The following GNG4 variants were observed in gnomAD, a reference collection of about 807,000 sequenced individuals.
The protein encoded by GNG4 is G protein subunit gamma 4.
In GNG4, 4 loss-of-function variants were observed where a neutral mutation model predicts 5.8. The ratio of observed to expected loss-of-function variants is 0.69; its 90% CI spans 0.34 to 1.57. GNG4 has a LOEUF of 1.57. Ranked by LOEUF, GNG4 falls within the 40% of genes most tolerant of loss-of-function variation. The pLI is 0.06. For synonymous variants in GNG4, 29 were observed against 32.9 expected (o/e 0.88, Z 0.41); for missense variants, 96 against 95.1 (o/e 1.01, Z -0.04).
At chr1:235,597,172 A>G (rs371118784) in intron 1 of GNG4, among the ~76,000 whole-genome samples, 8 of 152,368 alleles carry the variant, frequency 5.3e-5, no homozygotes, top group African/African-American at 1.7e-4. Context: ...TCATTCCCCA[A>G]GGGTTTTCCG....
intron 3 of GNG4, among the ~76,000 whole-genome samples, chr1:235,582,956 C>T (rs531806092): frequency 5.9e-5 from 9 of 152,248 alleles, no homozygotes; most frequent in African/African-American, 1.9e-4. Context: ...AGGCTCTGTC[C>T]ATAGAAGGCT....
At chr1:235,581,895 G>A (rs1292354493) in intron 3 of GNG4, among the ~76,000 whole-genome samples, 1 of 152,216 alleles carries the variant, frequency 6.6e-6, no homozygotes, top group Non-Finnish European at 1.5e-5. Context: ...TCCTGGGGCG[G>A]TGTCTGTGGC....
intron 3 of GNG4, among the ~76,000 whole-genome samples, chr1:235,571,878 T>A (rs1687352331): frequency 6.6e-6 from 1 of 152,124 alleles, no homozygotes; most frequent in Admixed American, 6.5e-5. Context: ...CACTCTCTCA[T>A]CCAGGCTGGA....
In GNG4 at chr1:235,583,633, T is replaced by C. The variant is rs1687695983; in HGVS notation, c.99+107A>G. 4 of 684,600 alleles carry C rather than the reference T, an allele frequency of 5.8e-6. No homozygotes were observed. In the East Asian group the frequency reaches 7.8e-5, roughly 13 times the overall value. 42.4% of individuals were successfully genotyped at this position (684,600 alleles called of 1,614,324 possible). A position where few individuals can be genotyped will look rare whatever the true frequency, so the allele number is the denominator to read the frequency against. ...GTTACAGCTGCCAAGGTTGGCTGCA[T>C]GCTCTGCTGGGTGACGTGTTAACTC... On this transcript the variant is annotated intron_variant, in intron 3 of 3. Coordinates refer to ENST00000391854, the MANE Select transcript of GNG4 (RefSeq NM_001098722.2).
At chr1:235,645,698 A>G (rs975178693) in intron 1 of GNG4, among the ~76,000 whole-genome samples, 4 of 151,426 alleles carry the variant, frequency 2.6e-5, no homozygotes, top group Non-Finnish European at 5.9e-5. Context: ...TTGGGAGGCC[A>G]AGGCAGGAGA....
chr1:235,583,343 A>G (rs1035794406), intron 3 of GNG4, among the ~76,000 whole-genome samples: 2 of 152,240 alleles, frequency 1.3e-5, no homozygotes, highest in Non-Finnish European at 2.9e-5. Flanking sequence ...GGCATGGTTC[A>G]GAGCTCCACC....
rs527310549 is a variant in GNG4 at position 235,565,357 on chromosome 1, C to T, written c.100-13120G>A. Among the ~76,000 whole-genome samples the T allele has an allele frequency of 7.2e-5, 11 of 152,110 alleles. No individual in the cohort carries two copies. In the South Asian group the frequency reaches 2.1e-3, roughly 29 times the overall value. On this transcript the variant is annotated intron_variant, in intron 3 of 3. Transcript: ENST00000391854. ...CTCTACTAAAAATACAAAAATTAGC[C>T]GGGCATGGTGGTGATGGGCGCCTGT...
chr1:235,586,143 A>C (rs1004686498), intron 2 of GNG4, among the ~76,000 whole-genome samples: 2 of 152,264 alleles, frequency 1.3e-5, no homozygotes, highest in Non-Finnish European at 2.9e-5. Context: ...CACCCAAATC[A>C]GAGTTTAATA....
At chr1:235,637,295 T>C (rs889616074) in intron 1 of GNG4, among the ~76,000 whole-genome samples, 1 of 152,154 alleles carries the variant, frequency 6.6e-6, no homozygotes, top group Non-Finnish European at 1.5e-5. Context: ...AAACACCACC[T>C]AAAAATTCCT....
At chr1:235,579,616 C>T (rs1030323037) in intron 3 of GNG4, among the ~76,000 whole-genome samples, 10 of 151,692 alleles carry the variant, frequency 6.6e-5, no homozygotes, top group African/African-American at 2.2e-4. Context: ...TTAGAGAGGC[C>T]GAGACAGGCA....
chr1:235,620,587 G>C (rs1051123192), intron 1 of GNG4, among the ~76,000 whole-genome samples: 3 of 152,150 alleles, frequency 2.0e-5, no homozygotes, highest in African/African-American at 7.2e-5. Context: ...CCAGACTGGA[G>C]TGCAGTGGCG....
chr1:235,587,194 TGACA>T (rs1203815068), intron 2 of GNG4, among the ~76,000 whole-genome samples: 2 of 135,476 alleles, frequency 1.5e-5, no homozygotes, highest in Admixed American at 7.5e-5. Flanking sequence ...TGAGTGTGTG[TGACA>T]GAAAGTATGT....
At chr1:235,609,749 C>T (rs529650608) in intron 1 of GNG4, among the ~76,000 whole-genome samples, 14 of 151,716 alleles carry the variant, frequency 9.2e-5, no homozygotes, top group Admixed American at 3.9e-4. Context: ...CCCATCTCTA[C>T]AAAAAAAATT....
At chr1:235,579,023 C>T (rs192147558) in intron 3 of GNG4, among the ~76,000 whole-genome samples, 32 of 150,094 alleles carry the variant, frequency 2.1e-4, no homozygotes, top group African/African-American at 4.2e-4. Context: ...CTTGAACCCG[C>T]GAGGCAGGGG....
In GNG4 at chr1:235,557,602, T is replaced by C. The variant is rs527985283; in HGVS notation, c.100-5365A>G. ...GGCTAAACTGTCACGATAGCTCTCT[T>C]CCCATTGATCAGTTTACCTGTCCCG... On this transcript the variant is annotated intron_variant, in intron 3 of 3. Coordinates refer to ENST00000391854, the MANE Select transcript of GNG4 (RefSeq NM_001098722.2). Among the ~76,000 whole-genome samples, 10 of 152,002 alleles carry C rather than the reference T, an allele frequency of 6.6e-5. No homozygotes were observed. The East Asian group carries it at 1.9e-3, about 29-fold the overall frequency.
rs1373670390 is a variant in GNG4, at chr1:235,547,921, C to T, written c.*4188G>A. ...TGGATGAATTTTGCTGGGTTTTAAACTTTATATAAATGGAATCCTATGGTG... is the reference window on the plus strand; with the variant it reads ...TGGATGAATTTTGCTGGGTTTTAAATTTTATATAAATGGAATCCTATGGTG... On this transcript the variant is annotated 3_prime_UTR_variant, in exon 4 of 4. Transcript: ENST00000391854. 1 of 152,146 alleles carries T rather than the reference C, an allele frequency of 6.6e-6. No individual in the cohort carries two copies. Among genetic ancestry groups the T allele is most frequent in the Non-Finnish European group, 1.5e-5 (1 of 68,036 alleles). The allele number at this position is 152,146 out of a possible 1,614,324, so 9.4% of individuals were successfully genotyped here. A position where few individuals can be genotyped will look rare whatever the true frequency, so the allele number is the denominator to read the frequency against.
chr1:235,597,422 A>C (rs1411855312), intron 1 of GNG4, among the ~76,000 whole-genome samples: 1 of 148,844 alleles, frequency 6.7e-6, no homozygotes, highest in Non-Finnish European at 1.5e-5. Flanking sequence ...TCCTATATTG[A>C]AATCCAAAGC....
At chr1:235,582,957 A>G (rs1429968057) in intron 3 of GNG4, among the ~76,000 whole-genome samples, 1 of 152,146 alleles carries the variant, frequency 6.6e-6, no homozygotes, top group Non-Finnish European at 1.5e-5. Flanking sequence ...GGCTCTGTCC[A>G]TAGAAGGCTT....
At chr1:235,599,934 T>C (rs1007135052) in intron 1 of GNG4, among the ~76,000 whole-genome samples, 3 of 152,078 alleles carry the variant, frequency 2.0e-5, no homozygotes, top group African/African-American at 7.2e-5. Flanking sequence ...GCATCTTCCA[T>C]CCAACGCTTG....
Sources: gnomAD v4.1 joint callset for allele counts (sites outside exome capture counted in the v4.1 genomes callset) on GRCh38, gnomAD v4.1.1 for gene constraint, MANE v1.5 for transcripts, NCBI Gene and HGNC (gene_info 2026-07-23, HGNC 2026-07-21) for gene names.